SND1: variants seen among roughly 807,000 people sequenced by gnomAD.
The protein encoded by SND1 is staphylococcal nuclease and tudor domain containing 1, also known as staphylococcal nuclease domain-containing protein 1.
SND1 carries 38 observed loss-of-function variants against 121.7 expected under a neutral mutation model. The ratio of observed to expected loss-of-function variants is 0.31; its 90% confidence interval spans 0.24 to 0.41. The LOEUF is 0.41. Among genes scored for constraint, SND1 ranks in the 10% least tolerant of loss-of-function variants. The pLI, the probability that SND1 is intolerant of heterozygous loss-of-function variation, is 1.00. For missense variants in SND1, 868 were observed against 1,184.6 expected, an observed-to-expected ratio of 0.73 and a Z score of 3.92; for synonymous variants, 401 against 447.4, an observed-to-expected ratio of 0.90 and a Z score of 1.31.
intron 10 of SND1, among the ~76,000 whole-genome samples, chr7:127,805,165 ACCAGGATTCCCCTAAC>A (rs1798211712): frequency 6.6e-6 from 1 of 152,194 alleles, no homozygotes; most frequent in Non-Finnish European, 1.5e-5. Context: ...CCTTGTGTTA[ACCAGGATTCCCCTAAC>A]CCAGGCAATT....
intron 16 of SND1, among the ~76,000 whole-genome samples, chr7:128,055,676 C>T (rs546353528): frequency 1.3e-5 from 2 of 152,162 alleles, no homozygotes; most frequent in Non-Finnish European, 1.5e-5. Flanking sequence ...TCCGGCAGTT[C>T]TGTGCTGAGG....
At chr7:127,831,624 G>A (rs1195523515) in intron 11 of SND1, among the ~76,000 whole-genome samples, 1 of 152,206 alleles carries the variant, frequency 6.6e-6, no homozygotes, top group South Asian at 2.1e-4. Context: ...ATCCTTACTG[G>A]TTGGCAGACA....
rs142773708 is a variant in SND1, at chr7:128,042,018, C to T, written c.1780-32484C>T. Among the ~76,000 whole-genome samples, 144 of 152,290 alleles carry T rather than the reference C, an allele frequency of 9.5e-4. 4 individuals are homozygous for T. In the East Asian group the frequency reaches 0.026, roughly 28 times the overall value. ...CTTTGTGCAGCTACCAGCTGGGGAT[C>T]TGAGGGGTCTCCTACCATGATGCCT... On this transcript the variant is annotated intron_variant, in intron 16 of 23. Coordinates refer to ENST00000354725, the MANE Select transcript of SND1 (RefSeq NM_014390.4).
At chr7:127,845,918 A>C (rs900292860) in intron 12 of SND1, among the ~76,000 whole-genome samples, 1 of 152,224 alleles carries the variant, frequency 6.6e-6, no homozygotes, top group Non-Finnish European at 1.5e-5. Flanking sequence ...TTTGAGACAG[A>C]TAATTTAAAA....
At chr7:127,938,941 T>C (rs995455113) in intron 15 of SND1, among the ~76,000 whole-genome samples, 8 of 152,252 alleles carry the variant, frequency 5.3e-5, no homozygotes, top group Non-Finnish European at 1.2e-4. Flanking sequence ...AAATGGATGA[T>C]ACAGTTCCAG....
chr7:127,810,282 A>G (rs1453325201), intron 11 of SND1, among the ~76,000 whole-genome samples: 1 of 152,138 alleles, frequency 6.6e-6, no homozygotes, highest in Non-Finnish European at 1.5e-5. Context: ...CTTTCAGAAG[A>G]TGAGTATGTG....
At chr7:127,956,177 A>C (rs922968156) in intron 15 of SND1, among the ~76,000 whole-genome samples, 1 of 152,112 alleles carries the variant, frequency 6.6e-6, no homozygotes, top group African/African-American at 2.4e-5. Flanking sequence ...CACAATGCCT[A>C]TCTTGTAGCA....
At chr7:128,026,268 G>A (rs1280933994) in intron 16 of SND1, among the ~76,000 whole-genome samples, 1 of 152,186 alleles carries the variant, frequency 6.6e-6, no homozygotes, top group African/African-American at 2.4e-5. Flanking sequence ...GAGGCAGGAG[G>A]AACGGATCTT....
intron 10 of SND1, among the ~76,000 whole-genome samples, chr7:127,755,228 G>T (rs536320022): frequency 6.6e-6 from 1 of 152,310 alleles, no homozygotes; most frequent in East Asian, 1.9e-4. Flanking sequence ...TTAGCAAGGA[G>T]CCCAGGAGGA....
chr7:128,033,123 C>T (rs1225736085), intron 16 of SND1, among the ~76,000 whole-genome samples: 1 of 152,198 alleles, frequency 6.6e-6, no homozygotes, highest in Non-Finnish European at 1.5e-5. Flanking sequence ...GCCAGCCCTT[C>T]CTTGGCTAGG....
intron 13 of SND1, among the ~76,000 whole-genome samples, chr7:127,900,809 G>A (rs1800215853): frequency 6.6e-6 from 1 of 152,176 alleles, no homozygotes; most frequent in African/African-American, 2.4e-5. Context: ...GTCAGTTATT[G>A]ACACTGGTAG....
intron 13 of SND1, among the ~76,000 whole-genome samples, chr7:127,897,831 C>T (rs1050229604): frequency 2.0e-5 from 3 of 152,030 alleles, no homozygotes; most frequent in South Asian, 2.1e-4. Context: ...GGTACTTAAA[C>T]GGTGTTTTTT....
At chr7:128,067,140 T>C (rs905901278) in intron 16 of SND1, among the ~76,000 whole-genome samples, 1 of 152,132 alleles carries the variant, frequency 6.6e-6, no homozygotes, top group Admixed American at 6.5e-5. Context: ...CCTCAGAGAA[T>C]GCAGAGCAGA....
chr7:127,672,784 G>A (rs1382752052), intron 1 of SND1, among the ~76,000 whole-genome samples: 3 of 152,056 alleles, frequency 2.0e-5, no homozygotes, highest in African/African-American at 4.8e-5. Context: ...TCATGATCCT[G>A]ATGTTTTTTC....
At chr7:127,952,895 G>A (rs1801494897) in intron 15 of SND1, among the ~76,000 whole-genome samples, 2 of 152,110 alleles carry the variant, frequency 1.3e-5, no homozygotes, top group Non-Finnish European at 2.9e-5. Flanking sequence ...GGCTGCAGTG[G>A]CTCACACCTG....
chr7:127,889,969 C>T lies in SND1; in HGVS notation c.1454+1957C>T, dbSNP rs114623844. ...ACTTCCAAGTTTTGGCTGTTGTGAA[C>T]AGGACTGTAGCAAACATGGGAGTAC... On this transcript the variant is annotated intron_variant, in intron 13 of 23. Coordinates refer to ENST00000354725, the MANE Select transcript of SND1 (RefSeq NM_014390.4). Among the ~76,000 whole-genome samples the T allele has an allele frequency of 1.8e-3, 267 of 152,166 alleles. 1 individual carries two copies. The highest frequency in any genetic ancestry group is 6.2e-3 in the African/African-American group (257 of 41,536).
intron 11 of SND1, among the ~76,000 whole-genome samples, chr7:127,834,618 T>A (rs1798831652): frequency 6.6e-6 from 1 of 152,190 alleles, no homozygotes; most frequent in Non-Finnish European, 1.5e-5. Context: ...GATGGTGTGG[T>A]ATGTTTACAG....
At chr7:127,806,038 T>A (rs1308561147) in intron 10 of SND1, among the ~76,000 whole-genome samples, 2 of 152,242 alleles carry the variant, frequency 1.3e-5, no homozygotes, top group Admixed American at 1.3e-4. Flanking sequence ...GAGTATGTAC[T>A]AATGAGGGAG....
chr7:127,859,546 A>T (rs1799341279), intron 12 of SND1, among the ~76,000 whole-genome samples: 1 of 152,118 alleles, frequency 6.6e-6, no homozygotes, highest in African/African-American at 2.4e-5. Context: ...CACATTTATG[A>T]TTCTGGGGCC....
Sources: allele counts gnomAD v4.1 joint callset (sites outside exome capture counted in the v4.1 genomes callset), GRCh38; gene constraint gnomAD v4.1.1; transcripts MANE v1.5; gene names NCBI Gene and HGNC (gene_info 2026-07-23, HGNC 2026-07-21).